The following ZNRF2 variants were observed in gnomAD, a reference collection of about 807,000 sequenced individuals.
ZNRF2 encodes E3 ubiquitin-protein ligase ZNRF2.
Under a neutral mutation model 20.4 loss-of-function variants are expected in ZNRF2, and 16 were observed. That is an observed-to-expected ratio of 0.79 (90% CI 0.53 to 1.19). The LOEUF is 1.19. Among genes scored for constraint, ZNRF2 ranks in the 50% most tolerant of loss-of-function variants. The pLI, the probability that ZNRF2 is intolerant of heterozygous loss-of-function variation, is 0.00. For missense variants in ZNRF2, 363 were observed against 332.4 expected (o/e 1.09, Z -0.72); for synonymous variants, 178 against 144.9 (o/e 1.23, Z -1.64).
At chr7:30,292,450 T>TAAGATAA (rs1172064751) in intron 1 of ZNRF2, among the ~76,000 whole-genome samples, 1 of 152,044 alleles carries the variant, frequency 6.6e-6, no homozygotes, top group Non-Finnish European at 1.5e-5. Context: ...AGTGAAGAAA[T>TAAGATAA]AAGATAAAAA....
chr7:30,300,349 A>C (rs1357986116), intron 1 of ZNRF2, among the ~76,000 whole-genome samples: 3 of 142,106 alleles, frequency 2.1e-5, no homozygotes, highest in African/African-American at 7.9e-5. Context: ...GGGTTTCACC[A>C]TGTTGGCCAG....
intron 4 of ZNRF2, among the ~76,000 whole-genome samples, 193 bp from the exon 5 acceptor site, chr7:30,365,840 TGC>T (rs2127959199): frequency 6.6e-6 from 1 of 152,290 alleles, no homozygotes; most frequent in South Asian, 2.1e-4. Flanking sequence ...ATTCTTTACT[TGC>T]GTGTAGTCCT....
rs191464593 is a variant in ZNRF2 at position 30,316,282 on chromosome 7, C to G, written c.470-7360C>G. On this transcript the variant is annotated intron_variant, in intron 1 of 4. Coordinates refer to ENST00000323037, the MANE Select transcript of ZNRF2 (RefSeq NM_147128.4). ...CAGCCTGGGCAACAAGAGCGAAACT[C>G]CATCTCAAAAAAAAAAAAAAAAAAA... 6.1e-5 allele frequency among the ~76,000 whole-genome samples: 5 copies of G among 82,334 alleles called. No individual in the cohort carries two copies. The Admixed American group carries it at 8.2e-4, about 13-fold the overall frequency. The allele number at this position is 82,334 out of a possible 152,430, so 54.0% of individuals were successfully genotyped here. A position where few individuals can be genotyped will look rare whatever the true frequency, so the allele number is the denominator to read the frequency against.
In ZNRF2 at chr7:30,301,698, T is replaced by C. The variant is rs1401071622; in HGVS notation, c.469+15872T>C. Among the ~76,000 whole-genome samples the C allele has an allele frequency of 6.6e-5, 8 of 120,816 alleles. No individual in the cohort carries two copies. The East Asian group carries it at 1.7e-3, about 25-fold the overall frequency. The allele number at this position is 120,816 out of a possible 152,430, so 79.3% of individuals were successfully genotyped here. A position where few individuals can be genotyped will look rare whatever the true frequency, so the allele number is the denominator to read the frequency against. ...TGGACTACAGGATAATGAGGCTTTT[T>C]TTAAAAAAAAAAAAAAAAAAAAAAA... On this transcript the variant is annotated intron_variant, in intron 1 of 4. Transcript: ENST00000323037.
Position 30,289,524 on chromosome 7 carries a change from A to G in ZNRF2, c.469+3698A>G, listed in dbSNP as rs370540076. 4.6e-5 allele frequency among the ~76,000 whole-genome samples: 7 copies of G among 152,296 alleles called. No homozygotes were observed. In the East Asian group the frequency reaches 1.2e-3, roughly 25 times the overall value. ...TTTTATGGGGAGTGGCCGAAGAGGA[A>G]TGTTTGCCTCTTTCTAAGAAAAATG... On this transcript the variant is annotated intron_variant, in intron 1 of 4. Transcript: ENST00000323037.
chr7:30,315,351 T>C (rs1438255660), intron 1 of ZNRF2, among the ~76,000 whole-genome samples: 1 of 152,182 alleles, frequency 6.6e-6, no homozygotes, highest in Non-Finnish European at 1.5e-5. Context: ...GTACAAGATA[T>C]TGTAAATCGT....
chr7:30,362,443 T>G lies in ZNRF2; in HGVS notation c.*9T>G. ...AGCACCCTTCAGATTAAGCGTCAGC[T>G]TCCTGTTTTATAGGTAATTTTTTTT... On this transcript the variant is annotated 3_prime_UTR_variant, in exon 4 of 5. Coordinates refer to ENST00000323037, the MANE Select transcript of ZNRF2 (RefSeq NM_147128.4). The G allele has an allele frequency of 6.3e-7, 1 of 1,594,992 alleles. No individual in the cohort carries two copies. The highest frequency in any genetic ancestry group is 8.6e-7 in the Non-Finnish European group (1 of 1,168,238).
intron 2 of ZNRF2, among the ~76,000 whole-genome samples, chr7:30,343,173 A>G (rs968307805): frequency 6.6e-6 from 1 of 152,012 alleles, no homozygotes; most frequent in African/African-American, 2.4e-5. Flanking sequence ...AAGTCAACCA[A>G]GCGTGGTGGT....
At chr7:30,288,038 C>G (rs1798825992) in intron 1 of ZNRF2, among the ~76,000 whole-genome samples, 1 of 152,164 alleles carries the variant, frequency 6.6e-6, no homozygotes, top group Non-Finnish European at 1.5e-5. Flanking sequence ...AAAAACCCAT[C>G]TTAGTGGCAT....
intron 1 of ZNRF2, among the ~76,000 whole-genome samples, chr7:30,302,702 G>A (rs1255634190): frequency 2.0e-5 from 3 of 152,086 alleles, no homozygotes; most frequent in African/African-American, 7.2e-5. Flanking sequence ...GGTAACACAT[G>A]TATTTTTTAA....
intron 4 of ZNRF2, among the ~76,000 whole-genome samples, chr7:30,362,832 T>C (rs1434227270): frequency 1.3e-5 from 2 of 152,076 alleles, no homozygotes; most frequent in African/African-American, 4.8e-5. Flanking sequence ...CAAGAATCAC[T>C]TGAGGCTGGG....
chr7:30,305,472 G>A (rs77679377), intron 1 of ZNRF2, among the ~76,000 whole-genome samples: 3,983 of 152,048 alleles, frequency 0.026, 205 homozygotes, highest in African/African-American at 0.091. Context: ...TAGTATTTTT[G>A]TAAGTTTGTT....
intron 1 of ZNRF2, among the ~76,000 whole-genome samples, chr7:30,299,625 G>A (rs923693264): frequency 3.9e-5 from 6 of 151,924 alleles, no homozygotes; most frequent in Non-Finnish European, 7.4e-5. Context: ...CTTCCCAGAT[G>A]TAACTGTTAT....
intron 1 of ZNRF2, among the ~76,000 whole-genome samples, chr7:30,298,643 C>T (rs1199994741): frequency 6.6e-6 from 1 of 152,156 alleles, no homozygotes; most frequent in African/African-American, 2.4e-5. Context: ...CAATACAGGA[C>T]CTCTGCCTTC....
chr7:30,365,726 G>C (rs1314951488), intron 4 of ZNRF2, among the ~76,000 whole-genome samples: 1 of 152,182 alleles, frequency 6.6e-6, no homozygotes, highest in Non-Finnish European at 1.5e-5. Context: ...ACCCAAAATA[G>C]AGAGACATGA....
At chr7:30,351,157 A>G (rs1363888495) in intron 2 of ZNRF2, among the ~76,000 whole-genome samples, 1 of 151,888 alleles carries the variant, frequency 6.6e-6, no homozygotes. Context: ...TCTTTGGACA[A>G]TGCAAATTTT....
intron 1 of ZNRF2, among the ~76,000 whole-genome samples, chr7:30,286,744 C>T (rs1437516718): frequency 6.6e-6 from 1 of 152,320 alleles, no homozygotes; most frequent in Middle Eastern, 3.4e-3. Flanking sequence ...TCCCCTCTCC[C>T]CTTTATGAAA....
intron 1 of ZNRF2, among the ~76,000 whole-genome samples, chr7:30,286,581 A>G (rs73685988): frequency 0.01 from 1,524 of 152,336 alleles, 23 homozygotes; most frequent in African/African-American, 0.034. Flanking sequence ...GTTGTGAAAA[A>G]TGGACATTTT....
At chr7:30,285,970 C>T in intron 1 of ZNRF2, 144 bp downstream of exon 1, 1 of 1,320,320 alleles carries the variant, frequency 7.6e-7, no homozygotes. Flanking sequence ...CGTCGGTCTC[C>T]ATCCTGGAAG....
Sources: gnomAD v4.1 joint callset for allele counts (sites outside exome capture counted in the v4.1 genomes callset) on GRCh38, gnomAD v4.1.1 for gene constraint, MANE v1.5 for transcripts, NCBI Gene and HGNC (gene_info 2026-07-23, HGNC 2026-07-21) for gene names.